MAF: variants seen among roughly 807,000 people sequenced by gnomAD.
The protein encoded by MAF is MAF bZIP transcription factor.
Under a neutral mutation model 22.0 loss-of-function variants are expected in MAF, and 10 were observed. That is an observed-to-expected ratio of 0.45 (90% confidence interval 0.28 to 0.77). The LOEUF (loss-of-function observed/expected upper bound fraction) is 0.77, where lower values mean the gene tolerates loss of function less well. MAF is among the 30% of genes least tolerant of loss of function. MAF has a pLI of 0.12. For synonymous variants in MAF, 337 were observed against 255.8 expected (o/e 1.32, Z -3.03); for missense variants, 544 against 548.4 (o/e 0.99, Z 0.08).
At chr16:79,269,266 G>A in the MAF span, among the ~76,000 whole-genome samples, 73,258 of 151,990 alleles carry the variant, frequency 0.48, 18,803 homozygotes, top group Non-Finnish European at 0.55. Context: ...GTGGCTATGT[G>A]CTTCTCGGGC....
chr16:79,321,289 T>G, the MAF span, among the ~76,000 whole-genome samples: 25 of 152,244 alleles, frequency 1.6e-4, no homozygotes, highest in African/African-American at 4.1e-4. Flanking sequence ...CACCACAAGG[T>G]AGGGGAATGG....
At chr16:79,470,188 G>A in the MAF span, among the ~76,000 whole-genome samples, 586 of 152,306 alleles carry the variant, frequency 3.8e-3, 3 homozygotes, top group South Asian at 0.021. Context: ...CATGAGCGGC[G>A]GAGATAGGAA....
the MAF span, among the ~76,000 whole-genome samples, chr16:79,502,741 A>C: frequency 2.1e-5 from 2 of 97,418 alleles, no homozygotes; most frequent in African/African-American, 9.6e-5. Context: ...ATATATATAT[A>C]TATATATATA....
the MAF span, among the ~76,000 whole-genome samples, chr16:79,451,262 T>A: frequency 0.018 from 2,684 of 152,292 alleles, 65 homozygotes; most frequent in African/African-American, 0.051. Context: ...TGTAGTTATG[T>A]GGTAGGCATT....
the MAF span, among the ~76,000 whole-genome samples, chr16:79,578,995 G>C: frequency 6.6e-6 from 1 of 152,086 alleles, no homozygotes; most frequent in Non-Finnish European, 1.5e-5. Context: ...AAAAGACATG[G>C]CTTTATATTT....
the MAF span, among the ~76,000 whole-genome samples, chr16:79,386,124 ATGG>A: frequency 6.6e-6 from 1 of 152,186 alleles, no homozygotes; most frequent in Non-Finnish European, 1.5e-5. Flanking sequence ...GACTGGTTTC[ATGG>A]AAGACAATTT....
chr16:79,270,828 T>C, the MAF span, among the ~76,000 whole-genome samples: 8 of 151,668 alleles, frequency 5.3e-5, no homozygotes, highest in African/African-American at 1.9e-4. Flanking sequence ...CACAACCCTA[T>C]ACACAGACAC....
the MAF span, among the ~76,000 whole-genome samples, chr16:79,416,455 C>G: frequency 7.0e-6 from 1 of 143,866 alleles, no homozygotes; most frequent in East Asian, 2.1e-4. Flanking sequence ...TGATACACTA[C>G]ATTTGCAAGA....
the MAF span, among the ~76,000 whole-genome samples, chr16:79,468,952 A>G: frequency 6.6e-5 from 10 of 152,076 alleles, no homozygotes; most frequent in Non-Finnish European, 4.4e-5. Context: ...CCTTTTTAAT[A>G]GCCATCTTCC....
the MAF span, among the ~76,000 whole-genome samples, chr16:79,399,402 G>A: frequency 6.6e-6 from 1 of 152,164 alleles, no homozygotes; most frequent in Non-Finnish European, 1.5e-5. Context: ...GTTAAAGATG[G>A]TTCAGTAGGG....
At chr16:79,532,055 T>C in the MAF span, among the ~76,000 whole-genome samples, 1 of 152,198 alleles carries the variant, frequency 6.6e-6, no homozygotes, top group Non-Finnish European at 1.5e-5. Flanking sequence ...TAAGAATTGT[T>C]AGCATGAGTA....
downstream of MAF, among the ~76,000 whole-genome samples, chr16:79,590,428 G>C (rs1913126391): frequency 6.6e-6 from 1 of 152,176 alleles, no homozygotes; most frequent in African/African-American, 2.4e-5. Flanking sequence ...GTGGGGCGGA[G>C]GTGACTTATT....
chr16:79,463,590 G>A, the MAF span, among the ~76,000 whole-genome samples: 1 of 152,148 alleles, frequency 6.6e-6, no homozygotes, highest in Non-Finnish European at 1.5e-5. Flanking sequence ...GGGTCTGAGT[G>A]GGACTAAGTT....
chr16:79,457,277 T>A, the MAF span, among the ~76,000 whole-genome samples: 1 of 152,060 alleles, frequency 6.6e-6, no homozygotes, highest in Non-Finnish European at 1.5e-5. Flanking sequence ...TCATGGGAGA[T>A]GTAAAAGAAT....
At chr16:79,227,787 CA>C in the MAF span, among the ~76,000 whole-genome samples, 4 of 151,756 alleles carry the variant, frequency 2.6e-5, no homozygotes, top group African/African-American at 7.3e-5. Context: ...ATATCCTCAT[CA>C]AAAAAACCTG....
chr16:79,313,948 C>T, the MAF span, among the ~76,000 whole-genome samples: 4 of 152,020 alleles, frequency 2.6e-5, no homozygotes, highest in East Asian at 7.7e-4. Flanking sequence ...AGGATGTCTG[C>T]GATGATTAAA....
the MAF span, among the ~76,000 whole-genome samples, chr16:79,408,671 C>A: frequency 6.6e-6 from 1 of 151,718 alleles, no homozygotes; most frequent in African/African-American, 2.4e-5. Context: ...CTTCCTTCCT[C>A]CCTGTTTTCC....
the MAF span, among the ~76,000 whole-genome samples, chr16:79,445,217 T>G: frequency 2.0e-5 from 3 of 151,554 alleles, no homozygotes; most frequent in Admixed American, 1.3e-4. Context: ...GTATTTTTTT[T>G]TTTTTTTAGT....
the MAF span, among the ~76,000 whole-genome samples, chr16:79,527,984 A>T: frequency 1.3e-5 from 2 of 152,146 alleles, no homozygotes; most frequent in Non-Finnish European, 2.9e-5. Flanking sequence ...TCTACTAAAA[A>T]TGCAAAAAAT....
Sources: gnomAD v4.1 joint callset for allele counts (sites outside exome capture counted in the v4.1 genomes callset) on GRCh38, gnomAD v4.1.1 for gene constraint, MANE v1.5 for transcripts, NCBI Gene and HGNC (gene_info 2026-07-23, HGNC 2026-07-21) for gene names.